Variants in C10orf143 observed in about 807,000 individuals in gnomAD.
C10orf143 encodes uncharacterized protein C10orf143.
chr10:130,059,300 T>C (rs1860829057), downstream of C10orf143, among the ~76,000 whole-genome samples: 1 of 152,112 alleles, frequency 6.6e-6, no homozygotes, highest in Non-Finnish European at 1.5e-5. Flanking sequence ...AGAGAAAAAT[T>C]GTGTGGCAAA....
intron 1 of C10orf143, among the ~76,000 whole-genome samples, chr10:130,089,633 C>T (rs1217870862): frequency 6.6e-6 from 1 of 152,146 alleles, no homozygotes; most frequent in Non-Finnish European, 1.5e-5. Context: ...ATAAAAAAGA[C>T]TTCAAAACTT....
intron 1 of C10orf143, among the ~76,000 whole-genome samples, chr10:130,100,301 G>T (rs1048705814): frequency 2.0e-5 from 3 of 151,990 alleles, no homozygotes; most frequent in African/African-American, 7.2e-5. Context: ...GGAGGCTGAG[G>T]CAGGTGGGTG....
At chr10:130,103,870 G>A (rs1485449402) in intron 1 of C10orf143, among the ~76,000 whole-genome samples, 1 of 150,100 alleles carries the variant, frequency 6.7e-6, no homozygotes, top group Non-Finnish European at 1.5e-5. Flanking sequence ...TATGACACCA[G>A]AAAAAAAAAA....
rs753663063 is a variant in C10orf143, at chr10:130,106,744, C to G, written c.69+3960G>C. The stretch of plus-strand genomic sequence containing the variant: ...TTTTGCAAGAAGCTGAAGTATGGAA[C>G]GAACAAGTGAATGAACTTAATAAAC... On this transcript the variant is annotated intron_variant, in intron 1 of 3. Transcript: ENST00000637128. The G allele has an allele frequency of 8.8e-6, 11 of 1,249,654 alleles. No individual in the cohort carries two copies. The African/African-American group carries it at 1.6e-4, about 18-fold the overall frequency. The allele number at this position is 1,249,654 out of a possible 1,614,324, so 77.4% of individuals were successfully genotyped here.
At chr10:130,108,115 T>C in intron 1 of C10orf143, 6 of 1,547,580 alleles carry the variant, frequency 3.9e-6, no homozygotes, top group Non-Finnish European at 3.6e-6. Context: ...CTCGCTTTGT[T>C]CCTCCACCTC....
At chr10:130,107,085 A>G in intron 1 of C10orf143, 1 of 1,575,918 alleles carries the variant, frequency 6.3e-7, no homozygotes, top group Non-Finnish European at 8.7e-7. Context: ...ACAAAGGAAG[A>G]GCTTACAGAG....
intron 3 of C10orf143, among the ~76,000 whole-genome samples, chr10:130,073,858 T>C (rs901560329): frequency 2.0e-5 from 3 of 152,194 alleles, no homozygotes; most frequent in Non-Finnish European, 4.4e-5. Context: ...TGTCAGCTAC[T>C]GCTAGATGCT....
intron 3 of C10orf143, among the ~76,000 whole-genome samples, chr10:130,049,966 C>T (rs1272612293): frequency 6.6e-6 from 1 of 152,196 alleles, no homozygotes; most frequent in African/African-American, 2.4e-5. Context: ...GTAAAACCAT[C>T]GGTGATGAAA....
chr10:130,101,849 CAAAAAAAAAAAAAACCAA>C (rs1419164546), intron 1 of C10orf143, among the ~76,000 whole-genome samples: 848 of 26,882 alleles, frequency 0.032, 15 homozygotes, highest in South Asian at 0.2. Context: ...GACTCTGTCT[CAAAAAAAAAAAAAACCAA>C]AAAAAAAAAA....
At chr10:130,077,034 C>T (rs1033941753) in intron 3 of C10orf143, among the ~76,000 whole-genome samples, 2 of 152,116 alleles carry the variant, frequency 1.3e-5, no homozygotes, top group Non-Finnish European at 2.9e-5. Context: ...TTCAGGGCTA[C>T]GAGGTGACGG....
chr10:130,107,345 A>G (rs1194525753), intron 1 of C10orf143: 2 of 1,063,956 alleles, frequency 1.9e-6, no homozygotes, highest in Admixed American at 1.7e-5. Context: ...ACAGCGAGCC[A>G]AAGATCTTGA....
intron 1 of C10orf143, among the ~76,000 whole-genome samples, chr10:130,095,461 C>T (rs1474634462): frequency 6.6e-6 from 1 of 152,130 alleles, no homozygotes; most frequent in African/African-American, 2.4e-5. Context: ...TCATATGGAA[C>T]CAAAAAAGAG....
At chr10:130,107,589 C>T (rs1300618385) in intron 1 of C10orf143, 1 of 1,345,428 alleles carries the variant, frequency 7.4e-7, no homozygotes, top group Admixed American at 1.7e-5. Flanking sequence ...AGAGAGCATT[C>T]CCCATATGGT....
At chr10:130,086,712 T>C (rs1375462480) in intron 1 of C10orf143, among the ~76,000 whole-genome samples, 1 of 152,242 alleles carries the variant, frequency 6.6e-6, no homozygotes, top group Non-Finnish European at 1.5e-5. Context: ...AGTAACACCA[T>C]AGTCGGCTAA....
chr10:130,106,940 G>A, intron 1 of C10orf143: 1 of 1,001,006 alleles, frequency 1.0e-6, no homozygotes, highest in African/African-American at 1.6e-5. Context: ...TGAATCAGAA[G>A]ATGGTGCTTA....
rs146142978 is a variant in C10orf143, at chr10:130,101,457, T to C, written c.69+9247A>G. On this transcript the variant is annotated intron_variant, in intron 1 of 3. Coordinates refer to ENST00000637128, the MANE Select transcript of C10orf143 (RefSeq NM_001355042.2). Reference sequence around the variant, plus strand: ...AGAGAGGGTGGCTGCAGCTCTTTCATTGGAAGCAACTGTGTCAAGACAGTG... The same window carrying C: ...AGAGAGGGTGGCTGCAGCTCTTTCACTGGAAGCAACTGTGTCAAGACAGTG... 1.4e-4 allele frequency among the ~76,000 whole-genome samples: 22 copies of C among 152,124 alleles called. No individual in the cohort carries two copies. The East Asian group carries it at 2.5e-3, about 17-fold the overall frequency.
At chr10:130,095,965 C>T (rs1564968025) in intron 1 of C10orf143, among the ~76,000 whole-genome samples, 2 of 152,136 alleles carry the variant, frequency 1.3e-5, no homozygotes, top group Non-Finnish European at 2.9e-5. Flanking sequence ...AACTAAGGAG[C>T]TTCTGCACAG....
chr10:130,074,568 G>A (rs1175785015), intron 3 of C10orf143, among the ~76,000 whole-genome samples: 4 of 151,982 alleles, frequency 2.6e-5, no homozygotes, highest in Non-Finnish European at 2.9e-5. Flanking sequence ...ACTCGGACCC[G>A]CCCTAGCAAG....
intron 1 of C10orf143, among the ~76,000 whole-genome samples, chr10:130,080,124 T>A (rs1861182525): frequency 6.6e-6 from 1 of 152,264 alleles, no homozygotes; most frequent in Admixed American, 6.5e-5. Context: ...TTACTTAGCT[T>A]TATACATTTA....
Sources: gnomAD v4.1 joint callset for allele counts (sites outside exome capture counted in the v4.1 genomes callset) on GRCh38, gnomAD v4.1.1 for gene constraint, MANE v1.5 for transcripts, NCBI Gene and HGNC (gene_info 2026-07-23, HGNC 2026-07-21) for gene names.